Variants in MAPKAP1 observed in about 807,000 individuals in gnomAD.
MAPKAP1 encodes the protein MAPK associated protein 1, also known as target of rapamycin complex 2 subunit MAPKAP1.
Under a neutral mutation model 65.7 loss-of-function variants are expected in MAPKAP1, and 20 were observed. The observed-to-expected ratio is 0.30, with a 90% CI of 0.21 to 0.44. The LOEUF (loss-of-function observed/expected upper bound fraction) is 0.44, where lower values mean the gene tolerates loss of function less well. Among genes scored for constraint, MAPKAP1 ranks in the 20% least tolerant of loss-of-function variants. The probability of loss-of-function intolerance (pLI) is 1.00; values close to 1 mark genes in which losing one functional copy is unlikely to be tolerated. For synonymous variants in MAPKAP1, 222 were observed against 244.3 expected (o/e 0.91, Z 0.85); for missense variants, 423 against 648.0 (o/e 0.65, Z 3.77).
At chr9:125,449,991 C>T (rs1211499663) in intron 10 of MAPKAP1, among the ~76,000 whole-genome samples, 3 of 152,018 alleles carry the variant, frequency 2.0e-5, no homozygotes, top group Non-Finnish European at 2.9e-5. Context: ...GGTGACATCT[C>T]GGCTCACTGC....
At chr9:125,664,255 G>A (rs1834271043) in intron 3 of MAPKAP1, among the ~76,000 whole-genome samples, 1 of 151,780 alleles carries the variant, frequency 6.6e-6, no homozygotes, top group East Asian at 1.9e-4. Flanking sequence ...ACTGAGGCAG[G>A]AGAATCACTT....
chr9:125,632,371 T>C (rs1178380871), intron 4 of MAPKAP1, among the ~76,000 whole-genome samples: 1 of 152,220 alleles, frequency 6.6e-6, no homozygotes, highest in Non-Finnish European at 1.5e-5. Flanking sequence ...TCCTCAGCAT[T>C]AGTCAAGTCC....
At chr9:125,563,594 T>G (rs1830956658) in intron 5 of MAPKAP1, among the ~76,000 whole-genome samples, 1 of 152,176 alleles carries the variant, frequency 6.6e-6, no homozygotes, top group African/African-American at 2.4e-5. Context: ...CTCTCCATAC[T>G]TACTAAAGAG....
At chr9:125,660,327 C>G (rs1332986370) in intron 3 of MAPKAP1, among the ~76,000 whole-genome samples, 1 of 152,108 alleles carries the variant, frequency 6.6e-6, no homozygotes, top group Non-Finnish European at 1.5e-5. Flanking sequence ...CAGAATTGCT[C>G]TATACTTGTC....
At chr9:125,624,618 G>T (rs1273066100) in intron 4 of MAPKAP1, among the ~76,000 whole-genome samples, 7 of 72,842 alleles carry the variant, frequency 9.6e-5, no homozygotes, top group African/African-American at 3.5e-4. Flanking sequence ...GGTGGGGGGG[G>T]GGGTCAGCCC....
rs1829144786 is a variant in MAPKAP1 at position 125,506,426 on chromosome 9, T to C, written c.959-9A>G. 6.2e-7 allele frequency: 1 copy of C among 1,611,880 alleles called. No homozygotes were observed. The highest frequency in any genetic ancestry group is 1.1e-5 in the South Asian group (1 of 91,040). The stretch of plus-strand genomic sequence containing the variant: ...CAGGCGGTACTGAGGGCCTGGAAGA[T>C]CAAAGGGGCAGGAGGAGGGGAGGAA... On this transcript the variant is annotated splice_polypyrimidine_tract_variant and intron_variant, in intron 7 of 11. Transcript: ENST00000265960.
chr9:125,691,189 A>T (rs1835158492), intron 1 of MAPKAP1, among the ~76,000 whole-genome samples: 1 of 152,138 alleles, frequency 6.6e-6, no homozygotes, highest in South Asian at 2.1e-4. Context: ...TGAACCTGGG[A>T]GGCAGAGCTT....
chr9:125,586,576 C>A (rs1316341636), intron 4 of MAPKAP1, among the ~76,000 whole-genome samples: 1 of 151,946 alleles, frequency 6.6e-6, no homozygotes, highest in Non-Finnish European at 1.5e-5. Context: ...TCCCTGCTAA[C>A]ACTTCCAATC....
At chr9:125,559,506 A>G (rs1418820853) in intron 6 of MAPKAP1, 127 bp downstream of exon 6, 2 of 795,784 alleles carry the variant, frequency 2.5e-6, no homozygotes, top group Non-Finnish European at 4.0e-6. Context: ...TCTGGGAGTC[A>G]TCGTTATTAC....
intron 3 of MAPKAP1, among the ~76,000 whole-genome samples, chr9:125,666,129 T>A (rs776040981): frequency 6.6e-5 from 10 of 152,258 alleles, no homozygotes; most frequent in Non-Finnish European, 1.2e-4. Flanking sequence ...TATGACATTA[T>A]TCCTAACAAA....
chr9:125,534,976 G>C (rs1363627475), intron 7 of MAPKAP1, among the ~76,000 whole-genome samples: 1 of 152,194 alleles, frequency 6.6e-6, no homozygotes, highest in Admixed American at 6.5e-5. Flanking sequence ...AAAGCTGCTT[G>C]AGAGTAGGAA....
At chr9:125,494,324 G>A (rs771083721) in intron 8 of MAPKAP1, among the ~76,000 whole-genome samples, 56 of 152,076 alleles carry the variant, frequency 3.7e-4, no homozygotes, top group Non-Finnish European at 6.3e-4. Context: ...CCTGCCCACC[G>A]CTCTGCAGTA....
At chr9:125,507,946 G>GA (rs1376817572) in intron 7 of MAPKAP1, among the ~76,000 whole-genome samples, 3 of 152,076 alleles carry the variant, frequency 2.0e-5, no homozygotes, top group Non-Finnish European at 4.4e-5. Flanking sequence ...ACTTCGGGGG[G>GA]ACCAATTGAA....
chr9:125,477,920 G>A (rs1443115515), intron 9 of MAPKAP1, among the ~76,000 whole-genome samples: 6 of 152,172 alleles, frequency 3.9e-5, no homozygotes, highest in African/African-American at 1.4e-4. Context: ...TACACTTGAA[G>A]GACATCTGTA....
intron 9 of MAPKAP1, among the ~76,000 whole-genome samples, chr9:125,480,889 G>A (rs1020167350): frequency 3.5e-4 from 53 of 150,380 alleles, no homozygotes; most frequent in African/African-American, 1.0e-3. Flanking sequence ...GGAGAATGGC[G>A]TGAACCCGGT....
chr9:125,664,928 G>A (rs1834297609), intron 3 of MAPKAP1, among the ~76,000 whole-genome samples: 1 of 151,900 alleles, frequency 6.6e-6, no homozygotes, highest in African/African-American at 2.4e-5. Flanking sequence ...AAGTAACTTG[G>A]GAAAGTTATT....
At chr9:125,480,965 C>A (rs2133027268) in intron 9 of MAPKAP1, among the ~76,000 whole-genome samples, 1 of 126,192 alleles carries the variant, frequency 7.9e-6, no homozygotes, top group South Asian at 2.5e-4. Flanking sequence ...GAGCGAGACT[C>A]CGTTTCGGGG....
intron 3 of MAPKAP1, among the ~76,000 whole-genome samples, chr9:125,668,490 T>G: frequency 6.6e-6 from 1 of 152,204 alleles, no homozygotes; most frequent in East Asian, 1.9e-4. Context: ...TAGGCATCTA[T>G]TACATGCCGA....
chr9:125,513,956 G>A (rs560880064), intron 7 of MAPKAP1, among the ~76,000 whole-genome samples: 1 of 152,246 alleles, frequency 6.6e-6, no homozygotes, highest in South Asian at 2.1e-4. Context: ...AGTCTCTCAG[G>A]TCCTACAAAT....
Sources: gnomAD v4.1 joint callset for allele counts (sites outside exome capture counted in the v4.1 genomes callset) on GRCh38, gnomAD v4.1.1 for gene constraint, MANE v1.5 for transcripts, NCBI Gene and HGNC (gene_info 2026-07-23, HGNC 2026-07-21) for gene names.